The following RWDD4 variants were observed in gnomAD, a reference collection of about 807,000 sequenced individuals.
RWDD4 encodes the protein RWD domain-containing protein 4.
A neutral mutation model predicts 30.0 loss-of-function variants in RWDD4; 16 were observed. The observed-to-expected ratio is 0.53, with a 90% confidence interval of 0.36 to 0.81. The LOEUF is 0.81. Among genes scored for constraint, RWDD4 ranks in the 30% least tolerant of loss-of-function variants. The pLI, the probability that RWDD4 is intolerant of heterozygous loss-of-function variation, is 0.00. For synonymous variants in RWDD4, 45 were observed against 72.1 expected (o/e 0.62, Z 1.90); for missense variants, 170 against 223.9 (o/e 0.76, Z 1.54).
intron 1 of RWDD4, chr4:183,656,243 T>C: frequency 3.9e-6 from 1 of 258,082 alleles, no homozygotes; most frequent in Non-Finnish European, 7.3e-6. Context: ...TATTTTCTCC[T>C]TCCTAGGGAA....
chr4:183,655,413 C>A (rs1734169214), intron 2 of RWDD4, among the ~76,000 whole-genome samples: 1 of 151,822 alleles, frequency 6.6e-6, no homozygotes, highest in Non-Finnish European at 1.5e-5. Context: ...TCCCGAGTAG[C>A]TGGGACTACA....
intron 5 of RWDD4, among the ~76,000 whole-genome samples, chr4:183,647,824 A>G (rs191676880): frequency 2.0e-5 from 3 of 152,300 alleles, no homozygotes; most frequent in African/African-American, 7.2e-5. Flanking sequence ...TATTTCACAA[A>G]CCATTACCAT....
chr4:183,644,777 CAAAAAAAAAAAGAAA>C, intron 7 of RWDD4, among the ~76,000 whole-genome samples: 1 of 123,364 alleles, frequency 8.1e-6, no homozygotes, highest in East Asian at 2.3e-4. Flanking sequence ...GACTCGGCTT[CAAAAAAAAAAAGAAA>C]AGAAAAGAAA....
At chr4:183,651,476 C>CCTG in intron 2 of RWDD4, 149 bp from the exon 3 acceptor site, 1 of 657,394 alleles carries the variant, frequency 1.5e-6, no homozygotes, top group Non-Finnish European at 2.6e-6. Flanking sequence ...CAGGCTAGGA[C>CCTG]TGAGCAGGGG....
In RWDD4 at chr4:183,651,327, T is replaced by C. The variant is rs766770355; in HGVS notation, c.106A>G (p.Ile36Val). Residue 36 changes from isoleucine (I) to valine (V), a missense_variant and splice_region_variant, in exon 3 of 8, where the codon ATA (isoleucine) becomes GTA (valine). Coordinates refer to ENST00000326397, the MANE Select transcript of RWDD4 (RefSeq NM_152682.4). ...GCTTTGGGATCACCATTTTCACCTA[T>C]CTGAAGAGAAGGGGAAATCTTAGGC... ...ELSPVSFQYRIGENGDPKAFL... is the reference protein window; with the variant it reads ...ELSPVSFQYRVGENGDPKAFL... 12 of 1,605,036 alleles carry C rather than the reference T, an allele frequency of 7.5e-6. No homozygotes were observed. Among genetic ancestry groups the C allele is most frequent in the Non-Finnish European group, 9.4e-6 (11 of 1,174,500 alleles).
intron 7 of RWDD4, among the ~76,000 whole-genome samples, chr4:183,642,721 T>C (rs1733883085): frequency 6.6e-6 from 1 of 152,102 alleles, no homozygotes; most frequent in South Asian, 2.1e-4. Flanking sequence ...GATGGCATCA[T>C]CAAATGTCAT....
At position 183,655,471 on chromosome 4, in the gene RWDD4, CAGT is replaced by C. The variant is rs532437987; in HGVS notation, c.105+407_105+409del. ...TAATTTTTTGTATTTTTAGTAGAGA[CAGT>C]GGGGTTTCACCATGTTGGCCAGGAT... On this transcript the variant is annotated intron_variant, in intron 2 of 7. Coordinates refer to ENST00000326397, the MANE Select transcript of RWDD4 (RefSeq NM_152682.4). Among the ~76,000 whole-genome samples the C allele has an allele frequency of 4.5e-3, 686 of 151,802 alleles. 1 individual carries two copies. Among genetic ancestry groups the C allele is most frequent in the Middle Eastern group, 0.014 (4 of 294 alleles).
intron 5 of RWDD4, among the ~76,000 whole-genome samples, chr4:183,647,448 T>C (rs553392494): frequency 2.0e-4 from 30 of 152,298 alleles, no homozygotes; most frequent in African/African-American, 7.0e-4. Context: ...TTACTGGTTA[T>C]AGGGGGCACA....
At chr4:183,644,555 G>T (rs1464834910) in intron 7 of RWDD4, among the ~76,000 whole-genome samples, 6 of 152,200 alleles carry the variant, frequency 3.9e-5, no homozygotes, top group African/African-American at 1.2e-4. Context: ...GGTGAGGGGG[G>T]ATCGCTTGAG....
chr4:183,651,137 A>G lies in RWDD4; in HGVS notation c.216-6T>C. On this transcript the variant is annotated splice_region_variant and splice_polypyrimidine_tract_variant and intron_variant, in intron 3 of 7. Coordinates refer to ENST00000326397, the MANE Select transcript of RWDD4 (RefSeq NM_152682.4). Reference sequence around the variant, plus strand: ...TCTGCTTTACAGCTGATGATCTACAATGCACAACAAAAATACCTTGCTGAG... The same window carrying G: ...TCTGCTTTACAGCTGATGATCTACAGTGCACAACAAAAATACCTTGCTGAG... The G allele has an allele frequency of 1.2e-6, 2 of 1,614,096 alleles. No homozygotes were observed. The highest frequency in any genetic ancestry group is 1.7e-6 in the Non-Finnish European group (2 of 1,179,988).
intron 5 of RWDD4, among the ~76,000 whole-genome samples, chr4:183,647,025 A>G (rs182004660): frequency 1.3e-4 from 20 of 152,350 alleles, no homozygotes; most frequent in Admixed American, 5.2e-4. Context: ...TAACTTATGT[A>G]TTAGTTGCTG....
chr4:183,655,488 G>A (rs113315068), intron 2 of RWDD4, among the ~76,000 whole-genome samples: 1 of 151,912 alleles, frequency 6.6e-6, no homozygotes, highest in Non-Finnish European at 1.5e-5. Flanking sequence ...GTTTCACCAT[G>A]TTGGCCAGGA....
chr4:183,649,401 T>A, intron 5 of RWDD4, 50 bp downstream of exon 5: 1 of 1,229,866 alleles, frequency 8.1e-7, no homozygotes, highest in Non-Finnish European at 1.2e-6. Context: ...GCAACAAGAG[T>A]GAGACTCTGT....
rs1416939230 is a variant in RWDD4 at position 183,655,981 on chromosome 4, G to A, written c.25-20C>T. ...TTCCATCTGAAATAAAGAACTGAAT[G>A]AGTTTTGTTTAGTGGTATAAATGAA... On this transcript the variant is annotated intron_variant, in intron 1 of 7. Coordinates refer to ENST00000326397, the MANE Select transcript of RWDD4 (RefSeq NM_152682.4). The A allele has an allele frequency of 7.8e-6, 12 of 1,538,264 alleles. No homozygotes were observed. Among genetic ancestry groups the A allele is most frequent in the African/African-American group, 1.4e-5 (1 of 73,110 alleles).
At chr4:183,651,449 T>C in intron 2 of RWDD4, 122 bp from the exon 3 acceptor site, 1 of 780,558 alleles carries the variant, frequency 1.3e-6, no homozygotes, top group Non-Finnish European at 2.1e-6. Flanking sequence ...TGTAATATTT[T>C]GAAAAGTCCA....
At chr4:183,649,994 C>A (rs1734044703) in intron 4 of RWDD4, among the ~76,000 whole-genome samples, 1 of 152,132 alleles carries the variant, frequency 6.6e-6, no homozygotes, top group African/African-American at 2.4e-5. Context: ...CCTAGAACAT[C>A]CTGGTTCCCG....
intron 7 of RWDD4, among the ~76,000 whole-genome samples, chr4:183,643,115 TAA>T (rs57474200): frequency 0.29 from 31,927 of 109,244 alleles, 4,987 homozygotes; most frequent in African/African-American, 0.47. Flanking sequence ...AAATAAAAAT[TAA>T]AAAAAAAAAA....
At position 183,641,300 on chromosome 4, in the gene RWDD4, C is replaced by A; in HGVS notation, c.*136G>T. ...CTCTTCATGAACTTTCAACTTACAA[C>A]CTTTTTAATGTAAGAAACATACAAA... On this transcript the variant is annotated 3_prime_UTR_variant, in exon 8 of 8. Coordinates refer to ENST00000326397, the MANE Select transcript of RWDD4 (RefSeq NM_152682.4). 1.4e-6 allele frequency: 1 copy of A among 734,272 alleles called. No homozygotes were observed. The highest frequency in any genetic ancestry group is 2.4e-6 in the Non-Finnish European group (1 of 412,682). The allele number at this position is 734,272 out of a possible 1,614,324, so 45.5% of individuals were successfully genotyped here. A position where few individuals can be genotyped will look rare whatever the true frequency, so the allele number is the denominator to read the frequency against.
chr4:183,645,201 T>C (rs1733944273), intron 7 of RWDD4, among the ~76,000 whole-genome samples: 2 of 152,214 alleles, frequency 1.3e-5, no homozygotes, highest in Admixed American at 6.5e-5. Context: ...ACTAAAATCC[T>C]AATCTTTAAC....
Sources: gnomAD v4.1 joint callset for allele counts (sites outside exome capture counted in the v4.1 genomes callset) on GRCh38, gnomAD v4.1.1 for gene constraint, MANE v1.5 for transcripts, NCBI Gene and HGNC (gene_info 2026-07-23, HGNC 2026-07-21) for gene names.